TRIM46: variants seen among roughly 807,000 people sequenced by gnomAD.
TRIM46 encodes the protein tripartite motif-containing protein 46.
In TRIM46, 17 loss-of-function variants were observed where a neutral mutation model predicts 69.7. The observed-to-expected ratio is 0.24, with a 90% CI of 0.17 to 0.37. TRIM46 has a LOEUF of 0.37. TRIM46 is among the 10% of genes least tolerant of loss of function. The pLI is 1.00. For missense variants in TRIM46, 675 were observed against 1,025.1 expected (o/e 0.66, Z 4.66); for synonymous variants, 391 against 429.0 (o/e 0.91, Z 1.09).
At chr1:155,183,233 C>T (rs1222302672) in intron 9 of TRIM46, among the ~76,000 whole-genome samples, 1 of 152,050 alleles carries the variant, frequency 6.6e-6, no homozygotes, top group African/African-American at 2.4e-5. Flanking sequence ...TAACACCCTC[C>T]CACTAATGCT....
At position 155,174,956 on chromosome 1, in the gene TRIM46, G is replaced by C. The variant is rs757232279; in HGVS notation, c.64-430G>C. The C allele has an allele frequency of 2.9e-6, 4 of 1,388,536 alleles. No homozygotes were observed. The East Asian group carries it at 1.1e-4, about 40-fold the overall frequency. The allele number at this position is 1,388,536 out of a possible 1,614,324, so 86.0% of individuals were successfully genotyped here. A position where few individuals can be genotyped will look rare whatever the true frequency, so the allele number is the denominator to read the frequency against. ...GGAGTGCCAACCTCGCCTGGCTATC[G>C]GGAGGAATCACGGCATGGGGGTGCT... On this transcript the variant is annotated intron_variant, in intron 1 of 9. Coordinates refer to ENST00000334634, the MANE Select transcript of TRIM46 (RefSeq NM_025058.5).
chr1:155,183,125 T>A (rs761731483), intron 9 of TRIM46, among the ~76,000 whole-genome samples: 5 of 151,920 alleles, frequency 3.3e-5, no homozygotes, highest in Admixed American at 6.5e-5. Flanking sequence ...TTAGCCAGGA[T>A]GGTCTCAATC....
chr1:155,178,582 G>A lies in TRIM46; in HGVS notation c.1254G>A (p.Met418Ile), dbSNP rs1187515928. 3.7e-6 allele frequency: 6 copies of A among 1,613,854 alleles called. No individual in the cohort carries two copies. The East Asian group carries it at 1.3e-4, about 36-fold the overall frequency. ...RHCQLDVGREMKLLTELNFLR... is the reference protein window; with the variant it reads ...RHCQLDVGREIKLLTELNFLR... ...GCCAGCTCGACGTGGGACGTGAGATGAAGCTGCTGACAGAGCTTAACTTCC... is the reference window on the plus strand; with the variant it reads ...GCCAGCTCGACGTGGGACGTGAGATAAAGCTGCTGACAGAGCTTAACTTCC... The change falls in exon 7 of 10, where the codon ATG becomes ATA. Residue 418 changes from methionine (M) to isoleucine (I), a missense_variant. Transcript: ENST00000334634.
chr1:155,176,912 A>C lies in TRIM46; in HGVS notation c.670-20A>C. On this transcript the variant is annotated intron_variant, in intron 3 of 9. Transcript: ENST00000334634. Reference sequence around the variant, plus strand: ...ACCCACACCATTGTCTGACCATCACATTGTTCTTTGTGTCCCTAGGGCCTT... The same window carrying C: ...ACCCACACCATTGTCTGACCATCACCTTGTTCTTTGTGTCCCTAGGGCCTT... 6.2e-7 allele frequency: 1 copy of C among 1,610,394 alleles called. No individual in the cohort carries two copies. Among genetic ancestry groups the C allele is most frequent in the Non-Finnish European group, 8.5e-7 (1 of 1,176,906 alleles).
intron 9 of TRIM46, among the ~76,000 whole-genome samples, chr1:155,183,533 C>T (rs972341272): frequency 6.6e-6 from 1 of 152,136 alleles, no homozygotes; most frequent in African/African-American, 2.4e-5. Context: ...TGCCTTTCCG[C>T]GGGCTATACC....
At chr1:155,176,593 A>G (rs1363869090) in intron 3 of TRIM46, among the ~76,000 whole-genome samples, 1 of 152,254 alleles carries the variant, frequency 6.6e-6, no homozygotes. Flanking sequence ...GCATGGTGCT[A>G]TTCTAGGTGT....
In TRIM46 at chr1:155,181,256, T is replaced by A. The variant is rs1302746066; in HGVS notation, c.1589-596T>A. ...CTCCGTCTCAAAAACATATATATATTTTTAAAAAATGATAATGCTTACCTC... is the reference window on the plus strand; with the variant it reads ...CTCCGTCTCAAAAACATATATATATATTTAAAAAATGATAATGCTTACCTC... On this transcript the variant is annotated intron_variant, in intron 8 of 9. Coordinates refer to ENST00000334634, the MANE Select transcript of TRIM46 (RefSeq NM_025058.5). The surrounding 1 kb of genome is among the most constrained non-coding windows in gnomAD (Gnocchi z 4.3). Among the ~76,000 whole-genome samples, 4 of 152,152 alleles carry A rather than the reference T, an allele frequency of 2.6e-5. No homozygotes were observed. Among genetic ancestry groups the A allele is most frequent in the African/African-American group, 7.2e-5 (3 of 41,414 alleles).
At position 155,175,883 on chromosome 1, in the gene TRIM46, C is replaced by G; in HGVS notation, c.326-5C>G. 1 of 1,583,988 alleles carries G rather than the reference C, an allele frequency of 6.3e-7. No homozygotes were observed. The highest frequency in any genetic ancestry group is 2.2e-5 in the East Asian group (1 of 44,578). On this transcript the variant is annotated splice_region_variant and splice_polypyrimidine_tract_variant and intron_variant, in intron 2 of 9. Transcript: ENST00000334634. This position sits in a 1 kb window ranked among gnomAD's most constrained non-coding sequence, Gnocchi z 4.2. ...ATGTCCTCTACCTCCCTGGTTCACCCACAGGCTTTGGGACATACCCTGGGA... is the reference window on the plus strand; with the variant it reads ...ATGTCCTCTACCTCCCTGGTTCACCGACAGGCTTTGGGACATACCCTGGGA...
At position 155,175,835 on chromosome 1, in the gene TRIM46, A is replaced by G. The variant is rs1202981182; in HGVS notation, c.326-53A>G. ...CTAATTTAATTAAACAGGCTTCCCCACACCCAGCCAGCTGTAACTCTCATG... is the reference window on the plus strand; with the variant it reads ...CTAATTTAATTAAACAGGCTTCCCCGCACCCAGCCAGCTGTAACTCTCATG... On this transcript the variant is annotated intron_variant, in intron 2 of 9. Coordinates refer to ENST00000334634, the MANE Select transcript of TRIM46 (RefSeq NM_025058.5). This position sits in a 1 kb window ranked among gnomAD's most constrained non-coding sequence, Gnocchi z 4.2. 1 of 1,582,022 alleles carries G rather than the reference A, an allele frequency of 6.3e-7. No homozygotes were observed. The highest frequency in any genetic ancestry group is 1.4e-5 in the African/African-American group (1 of 73,184).
chr1:155,174,871 G>A (rs751649692), intron 1 of TRIM46: 299 of 1,413,196 alleles, frequency 2.1e-4, no homozygotes, highest in Non-Finnish European at 2.7e-4. Flanking sequence ...GATGGGGAAT[G>A]GAGGCTGGAG....
In TRIM46 at chr1:155,175,846, G is replaced by A; in HGVS notation, c.326-42G>A. 6.3e-7 allele frequency: 1 copy of A among 1,585,280 alleles called. No individual in the cohort carries two copies. On this transcript the variant is annotated intron_variant, in intron 2 of 9. Transcript: ENST00000334634. This position sits in a 1 kb window ranked among gnomAD's most constrained non-coding sequence, Gnocchi z 4.2. ...AAACAGGCTTCCCCACACCCAGCCA[G>A]CTGTAACTCTCATGTCCTCTACCTC...
intron 9 of TRIM46, 135 bp downstream of exon 9, chr1:155,182,284 A>T: frequency 1.9e-6 from 2 of 1,080,340 alleles, no homozygotes; most frequent in Non-Finnish European, 2.6e-6. Flanking sequence ...GGAGCCTGGA[A>T]GCCAGGCTGG....
chr1:155,174,504 A>G (rs1665449068), intron 1 of TRIM46: 1 of 1,423,930 alleles, frequency 7.0e-7, no homozygotes, highest in Non-Finnish European at 9.2e-7. Flanking sequence ...TGCGGTTGTC[A>G]TGGCAACCCG....
chr1:155,178,376 A>G, intron 6 of TRIM46, 116 bp from the exon 7 acceptor site: 1 of 1,576,074 alleles, frequency 6.3e-7, no homozygotes, highest in South Asian at 1.2e-5. Context: ...CATGAGGCCA[A>G]ACTGATACCA....
At chr1:155,180,850 C>T (rs890637798) in intron 8 of TRIM46, among the ~76,000 whole-genome samples, 9 of 151,762 alleles carry the variant, frequency 5.9e-5, no homozygotes, top group African/African-American at 4.8e-5. Context: ...GCGGAGGTTG[C>T]GGTGAGCCGA....
chr1:155,177,563 A>T (rs760759728), intron 5 of TRIM46, among the ~76,000 whole-genome samples: 4 of 152,212 alleles, frequency 2.6e-5, no homozygotes, highest in Non-Finnish European at 5.9e-5. Context: ...AGATGCTCTC[A>T]GGCTCAGGTG....
At chr1:155,179,062 A>G (rs1665936935) in intron 7 of TRIM46, among the ~76,000 whole-genome samples, 1 of 151,852 alleles carries the variant, frequency 6.6e-6, no homozygotes, top group African/African-American at 2.4e-5. Flanking sequence ...TGTCCTTGTG[A>G]CCCTTGCCCT....
rs1430400934 is a variant in TRIM46, at chr1:155,179,845, C to T, written c.1499C>T (p.Ser500Phe). ...SALLENPDTG[S>F]VYVLRVRGCN... is the part of the protein sequence containing the mutation. ...CTGCTTGAGAACCCCGACACGGGCT[C>T]TGTGTATGTGCTGCGTGTCCGCGGC... The change falls in exon 8 of 10, where the codon TCT (serine) becomes TTT (phenylalanine). Residue 500 changes from serine (S) to phenylalanine (F), a missense_variant. Ser to Phe is a radical substitution (Grantham distance 155). Coordinates refer to ENST00000334634, the MANE Select transcript of TRIM46 (RefSeq NM_025058.5). The T allele has an allele frequency of 1.2e-6, 2 of 1,613,650 alleles. No individual in the cohort carries two copies.
intron 9 of TRIM46, 113 bp from the exon 10 acceptor site, chr1:155,183,684 C>G: frequency 1.1e-5 from 15 of 1,408,238 alleles, no homozygotes; most frequent in Non-Finnish European, 1.5e-5. Context: ...CACCCAAAAT[C>G]CATCCCTTCA....
Sources: gnomAD v4.1 joint callset for allele counts (sites outside exome capture counted in the v4.1 genomes callset) on GRCh38, gnomAD v4.1.1 for gene constraint, Gnocchi (gnomAD v3.1) non-coding constraint, MANE v1.5 for transcripts, NCBI Gene and HGNC (gene_info 2026-07-23, HGNC 2026-07-21) for gene names.